The following IGF2BP2 variants were observed in gnomAD, a reference collection of about 807,000 sequenced individuals.
IGF2BP2 encodes insulin-like growth factor 2 mRNA-binding protein 2.
Under a neutral mutation model 75.8 loss-of-function variants are expected in IGF2BP2, and 17 were observed. That is an observed-to-expected ratio of 0.22 (90% confidence interval 0.15 to 0.34). The LOEUF is 0.34. IGF2BP2 is among the 10% of genes least tolerant of loss of function. The pLI, the probability that IGF2BP2 is intolerant of heterozygous loss-of-function variation, is 1.00. For synonymous variants in IGF2BP2, 288 were observed against 295.6 expected, an observed-to-expected ratio of 0.97 and a Z score of 0.26; for missense variants, 516 against 772.4, an observed-to-expected ratio of 0.67 and a Z score of 3.93.
chr3:185,675,954 T>C, intron 7 of IGF2BP2, 41 bp from the exon 8 acceptor site: 2 of 1,596,128 alleles, frequency 1.3e-6, no homozygotes, highest in African/African-American at 1.3e-5. Context: ...CAGATACGTA[T>C]AACGGTTGTC....
At chr3:185,667,754 CA>C (rs1345946046) in intron 10 of IGF2BP2, among the ~76,000 whole-genome samples, 10 of 152,286 alleles carry the variant, frequency 6.6e-5, no homozygotes, top group Non-Finnish European at 7.4e-5. Context: ...TGTAGAGGCA[CA>C]CCTCATTTTA....
rs1713396174 is a variant in IGF2BP2, at chr3:185,645,711, T to C, written c.1708-88A>G. ...CAAACGGCAGGGGAGGCTCTGGGGC[T>C]TGGGGATGAAGGGTGGAATGCTCAG... is the stretch of plus-strand genomic sequence containing the variant. On this transcript the variant is annotated intron_variant, in intron 15 of 15. Coordinates refer to ENST00000382199, the MANE Select transcript of IGF2BP2 (RefSeq NM_006548.6). The surrounding 1 kb of genome is among the most constrained non-coding windows in gnomAD (Gnocchi z 4.9). 1 of 944,818 alleles carries C rather than the reference T, an allele frequency of 1.1e-6. No individual in the cohort carries two copies. The highest frequency in any genetic ancestry group is 1.7e-6 in the Non-Finnish European group (1 of 580,208). The allele number at this position is 944,818 out of a possible 1,614,324, so 58.5% of individuals were successfully genotyped here. A position where few individuals can be genotyped will look rare whatever the true frequency, so the allele number is the denominator to read the frequency against.
intron 2 of IGF2BP2, among the ~76,000 whole-genome samples, chr3:185,790,804 G>A (rs1205187352): frequency 1.3e-5 from 2 of 152,088 alleles, no homozygotes; most frequent in South Asian, 2.1e-4. Flanking sequence ...AAAAAAGAGT[G>A]TTACCTTTCA....
rs1713132962 is a variant in IGF2BP2 at position 185,644,286 on chromosome 3, A to AAC, written c.*1243_*1244dup. 6.6e-6 allele frequency: 1 copy of AAC among 152,462 alleles called. No individual in the cohort carries two copies. Among genetic ancestry groups the AAC allele is most frequent in the African/African-American group, 2.4e-5 (1 of 41,418 alleles). 9.4% of individuals were successfully genotyped at this position (152,462 alleles called of 1,614,324 possible). On this transcript the variant is annotated 3_prime_UTR_variant, in exon 16 of 16. Transcript: ENST00000382199. Reference sequence around the variant, plus strand: ...TGTGAATTTAACGCCCTGGGCCAACAACCTTGGTAAATTTCTACTTTCCTC... The same window carrying AAC: ...TGTGAATTTAACGCCCTGGGCCAACAACACCTTGGTAAATTTCTACTTTCCTC...
intron 7 of IGF2BP2, among the ~76,000 whole-genome samples, chr3:185,685,117 G>A (rs757482153): frequency 6.6e-6 from 1 of 152,134 alleles, no homozygotes; most frequent in Non-Finnish European, 1.5e-5. Context: ...GGAGGCCAAG[G>A]CGGGTGGATC....
intron 4 of IGF2BP2, 68 bp downstream of exon 4, chr3:185,696,544 G>T: frequency 1.5e-6 from 2 of 1,334,408 alleles, no homozygotes; most frequent in South Asian, 1.2e-5. Flanking sequence ...CCCTGGAGTT[G>T]ACCTAACCTA....
At chr3:185,757,931 T>C (rs912979814) in intron 2 of IGF2BP2, among the ~76,000 whole-genome samples, 5 of 152,234 alleles carry the variant, frequency 3.3e-5, no homozygotes, top group African/African-American at 1.2e-4. Flanking sequence ...GCTATTTATA[T>C]AGCCAAGTCA....
chr3:185,666,356 G>A (rs901624149), intron 10 of IGF2BP2, among the ~76,000 whole-genome samples: 8 of 152,296 alleles, frequency 5.3e-5, no homozygotes, highest in East Asian at 1.9e-4. Context: ...AGCTTAGGCC[G>A]GGCATGGTGG....
intron 2 of IGF2BP2, among the ~76,000 whole-genome samples, chr3:185,798,481 C>T (rs1394543442): frequency 6.6e-6 from 1 of 152,140 alleles, no homozygotes; most frequent in Non-Finnish European, 1.5e-5. Context: ...ATTTTTCTTA[C>T]ACAACATTCA....
At position 185,681,182 on chromosome 3, in the gene IGF2BP2, T is replaced by C. The variant is rs530210766; in HGVS notation, c.813-5269A>G. On this transcript the variant is annotated intron_variant, in intron 7 of 15. Transcript: ENST00000382199. ...TATTCACAGATGACACGATTTTATA[T>C]GTAGAAAGCCTTAAAGATTTTACAA... Among the ~76,000 whole-genome samples the C allele has an allele frequency of 9.8e-4, 150 of 152,352 alleles. 1 individual carries two copies. Among genetic ancestry groups the C allele is most frequent in the African/African-American group, 3.3e-3 (138 of 41,588 alleles).
At chr3:185,792,444 A>C (rs924262815) in intron 2 of IGF2BP2, among the ~76,000 whole-genome samples, 2 of 152,134 alleles carry the variant, frequency 1.3e-5, no homozygotes, top group Non-Finnish European at 2.9e-5. Flanking sequence ...GTCTCTACTA[A>C]GAATACAAAA....
intron 2 of IGF2BP2, chr3:185,713,540 G>A (rs549283985): frequency 3.3e-5 from 17 of 511,240 alleles, no homozygotes; most frequent in Non-Finnish European, 6.6e-5. Context: ...GGGGAGTGCT[G>A]GTGAGACATC....
At chr3:185,666,314 G>A (rs931567539) in intron 10 of IGF2BP2, among the ~76,000 whole-genome samples, 2 of 152,144 alleles carry the variant, frequency 1.3e-5, no homozygotes, top group Non-Finnish European at 2.9e-5. Context: ...TAAACAACTG[G>A]ATTATGCGGT....
chr3:185,781,483 C>T (rs1370566723), intron 2 of IGF2BP2, among the ~76,000 whole-genome samples: 1 of 152,136 alleles, frequency 6.6e-6, no homozygotes, highest in Non-Finnish European at 1.5e-5. Context: ...TGAAGTTAAA[C>T]TCTTTTTAAA....
chr3:185,759,161 T>C (rs760455602), intron 2 of IGF2BP2, among the ~76,000 whole-genome samples: 3 of 152,162 alleles, frequency 2.0e-5, no homozygotes, highest in Non-Finnish European at 2.9e-5. Flanking sequence ...ATGCAATACA[T>C]GTTACTATGA....
At chr3:185,745,112 C>T (rs900113508) in intron 2 of IGF2BP2, among the ~76,000 whole-genome samples, 2 of 152,188 alleles carry the variant, frequency 1.3e-5, no homozygotes, top group African/African-American at 4.8e-5. Context: ...CATTCCCCTC[C>T]ACACGCTGCT....
At position 185,794,408 on chromosome 3, in the gene IGF2BP2, T is replaced by C. The variant is rs1215530162; in HGVS notation, c.239+28745A>G. Among the ~76,000 whole-genome samples the C allele has an allele frequency of 5.3e-5, 4 of 75,304 alleles. 2 individuals are homozygous for C. The highest frequency in any genetic ancestry group is 5.4e-4 in the East Asian group (2 of 3,714). 49.4% of individuals were successfully genotyped at this position (75,304 alleles called of 152,430 possible). A position where few individuals can be genotyped will look rare whatever the true frequency, so the allele number is the denominator to read the frequency against. On this transcript the variant is annotated intron_variant, in intron 2 of 15. Transcript: ENST00000382199. ...CAGAATTCTAGAACAGACAGGAAGG[T>C]TGAGTATCAACTAACTTACATCCTC...
intron 2 of IGF2BP2, among the ~76,000 whole-genome samples, chr3:185,812,955 T>C (rs1740107185): frequency 6.6e-6 from 1 of 152,212 alleles, no homozygotes; most frequent in African/African-American, 2.4e-5. Context: ...ACTGATCAAT[T>C]TCAATATCTA....
At chr3:185,794,124 A>AT (rs894021461) in intron 2 of IGF2BP2, among the ~76,000 whole-genome samples, 9 of 151,612 alleles carry the variant, frequency 5.9e-5, no homozygotes, top group African/African-American at 1.9e-4. Flanking sequence ...CACCTGGCTA[A>AT]TTTTTTTTAT....
Sources: gnomAD v4.1 joint callset for allele counts (sites outside exome capture counted in the v4.1 genomes callset) on GRCh38, gnomAD v4.1.1 for gene constraint, Gnocchi (gnomAD v3.1) non-coding constraint, MANE v1.5 for transcripts, NCBI Gene and HGNC (gene_info 2026-07-23, HGNC 2026-07-21) for gene names.